CHN1: variants seen among roughly 807,000 people sequenced by gnomAD.
The protein encoded by CHN1 is N-chimaerin.
In CHN1, 37 loss-of-function variants were observed where a neutral mutation model predicts 59.5. That is an observed-to-expected ratio of 0.62 (90% CI 0.48 to 0.82). The LOEUF (loss-of-function observed/expected upper bound fraction) is 0.82, where lower values mean the gene tolerates loss of function less well. Ranked by LOEUF, CHN1 falls within the 40% of genes least tolerant of loss-of-function variation. CHN1 has a pLI of 0.00. For missense variants in CHN1, 469 were observed against 571.0 expected (o/e 0.82, Z 1.82); for synonymous variants, 206 against 200.4 (o/e 1.03, Z -0.24).
At chr2:174,882,693 C>T (rs897520595) in intron 5 of CHN1, among the ~76,000 whole-genome samples, 1 of 152,234 alleles carries the variant, frequency 6.6e-6, no homozygotes, top group South Asian at 2.1e-4. Context: ...AACCAACATA[C>T]AAAAACAGTT....
At chr2:174,989,862 C>A (rs979516813) in intron 1 of CHN1, among the ~76,000 whole-genome samples, 11 of 152,060 alleles carry the variant, frequency 7.2e-5, no homozygotes, top group Non-Finnish European at 1.5e-4. Context: ...TGGGACAGAT[C>A]TTTTACAAAT....
intron 7 of CHN1, among the ~76,000 whole-genome samples, chr2:174,830,229 T>C (rs532165795): frequency 6.8e-6 from 1 of 148,126 alleles, no homozygotes; most frequent in South Asian, 2.1e-4. Context: ...CAAGACTCTG[T>C]CTCAAAAAAA....
intron 12 of CHN1, among the ~76,000 whole-genome samples, chr2:174,801,209 CCTTA>C (rs1684710789): frequency 6.6e-6 from 1 of 152,170 alleles, no homozygotes. Flanking sequence ...TCCCTTTATC[CCTTA>C]CTTCTTTACT....
Position 174,809,072 on chromosome 2 carries a change from A to T in CHN1, c.965-30T>A, listed in dbSNP as rs371237307. On this transcript the variant is annotated intron_variant, in intron 10 of 12. Transcript: ENST00000409900. ...TAAGGATGTTGAAAGAAATAAAAGT[A>T]AATATCTGGATTCACAGCACTGTTT... is the stretch of plus-strand genomic sequence containing the variant. 1.6e-5 allele frequency: 25 copies of T among 1,579,064 alleles called. No individual in the cohort carries two copies. The African/African-American group carries it at 2.7e-4, about 17-fold the overall frequency.
Position 174,884,780 on chromosome 2 carries a change from T to C in CHN1, c.261-6652A>G, listed in dbSNP as rs1021307117. ...CATTTGAGGGATCCTATCACATGATTTTTCCCTCTTGAAAATTGTTAATGG... is the reference window on the plus strand; with the variant it reads ...CATTTGAGGGATCCTATCACATGATCTTTCCCTCTTGAAAATTGTTAATGG... On this transcript the variant is annotated intron_variant, in intron 5 of 12. Transcript: ENST00000409900. Among the ~76,000 whole-genome samples, 6 of 152,264 alleles carry C rather than the reference T, an allele frequency of 3.9e-5. No homozygotes were observed. The East Asian group carries it at 7.7e-4, about 20-fold the overall frequency.
chr2:174,824,212 A>G (rs1306895808), intron 8 of CHN1, among the ~76,000 whole-genome samples: 1 of 152,210 alleles, frequency 6.6e-6, no homozygotes, highest in Non-Finnish European at 1.5e-5. Context: ...TCAGTGGACT[A>G]ATGCCAGATC....
intron 1 of CHN1, among the ~76,000 whole-genome samples, chr2:174,973,316 A>C (rs953343636): frequency 5.3e-5 from 8 of 152,198 alleles, no homozygotes; most frequent in Non-Finnish European, 8.8e-5. Flanking sequence ...ACAGTTATTC[A>C]GTGTTTTAGA....
intron 3 of CHN1, among the ~76,000 whole-genome samples, chr2:174,920,569 G>A (rs1168388340): frequency 6.6e-6 from 1 of 152,148 alleles, no homozygotes; most frequent in Non-Finnish European, 1.5e-5. Context: ...TATCTTTTCA[G>A]TGATCTTCTC....
chr2:174,799,925 A>G lies in CHN1; in HGVS notation c.*191T>C. The G allele has an allele frequency of 1.5e-6, 1 of 681,350 alleles. No individual in the cohort carries two copies. Among genetic ancestry groups the G allele is most frequent in the East Asian group, 2.8e-5 (1 of 35,502 alleles). The allele number at this position is 681,350 out of a possible 1,614,324, so 42.2% of individuals were successfully genotyped here. ...ATAAACACCCAGGATTACTAGAACC[A>G]GAAAGCGTGTGTTCACTGTTTTACA... On this transcript the variant is annotated 3_prime_UTR_variant, in exon 13 of 13. Coordinates refer to ENST00000409900, the MANE Select transcript of CHN1 (RefSeq NM_001822.7).
chr2:174,850,302 A>T (rs1314271537), intron 6 of CHN1, among the ~76,000 whole-genome samples: 1 of 152,206 alleles, frequency 6.6e-6, no homozygotes, highest in Non-Finnish European at 1.5e-5. Context: ...GCTTACACAA[A>T]AAAAGGTTCA....
intron 3 of CHN1, among the ~76,000 whole-genome samples, chr2:174,934,908 T>C (rs1307628667): frequency 1.3e-5 from 2 of 152,344 alleles, no homozygotes; most frequent in African/African-American, 2.4e-5. Flanking sequence ...TGTAGGTTCT[T>C]TTCACTTATC....
At chr2:174,976,260 A>C (rs956705191) in intron 1 of CHN1, among the ~76,000 whole-genome samples, 1 of 151,740 alleles carries the variant, frequency 6.6e-6, no homozygotes. Flanking sequence ...AAATGACTTC[A>C]AATTTATATA....
At chr2:174,805,001 A>AT (rs1386890899) in intron 11 of CHN1, among the ~76,000 whole-genome samples, 1 of 152,200 alleles carries the variant, frequency 6.6e-6, no homozygotes, top group African/African-American at 2.4e-5. Flanking sequence ...ACCCATTACC[A>AT]TTTTTTATAG....
chr2:174,990,760 A>C (rs1427363824), intron 1 of CHN1, among the ~76,000 whole-genome samples: 1 of 152,244 alleles, frequency 6.6e-6, no homozygotes, highest in Non-Finnish European at 1.5e-5. Flanking sequence ...GTCAACTTTT[A>C]AACATTATGA....
At position 174,812,388 on chromosome 2, in the gene CHN1, G is replaced by C. The variant is rs1685106613; in HGVS notation, c.807C>G (p.Asp269Glu). Residue 269 changes from aspartate to glutamate, a missense_variant, in exon 9 of 13, where the codon GAC becomes GAG. Around this residue, in one of 5 missense-constraint regions of CHN1, gnomAD observed 225 missense variants for 289.9 expected, o/e 0.78. Coordinates refer to ENST00000409900, the MANE Select transcript of CHN1 (RefSeq NM_001822.7). ...LKHVKKVYSC[D>E]LTTLVKAHTT... ...TATGTGCTTTCACGAGCGTCGTAAG[G>C]TCACAGCTGTACACCTTTTTGACAT... 1 of 1,614,004 alleles carries C rather than the reference G, an allele frequency of 6.2e-7. No individual in the cohort carries two copies. The highest frequency in any genetic ancestry group is 8.5e-7 in the Non-Finnish European group (1 of 1,179,886).
At chr2:174,881,123 A>T (rs1687720492) in intron 5 of CHN1, among the ~76,000 whole-genome samples, 1 of 152,072 alleles carries the variant, frequency 6.6e-6, no homozygotes, top group African/African-American at 2.4e-5. Context: ...GCTCTTATGT[A>T]GAAAGATTCT....
chr2:174,988,330 C>T (rs1273360189), intron 1 of CHN1, among the ~76,000 whole-genome samples: 3 of 147,814 alleles, frequency 2.0e-5, no homozygotes, highest in African/African-American at 7.6e-5. Context: ...GCACTCCAGC[C>T]TGGGCAACAG....
chr2:174,799,434 G>A lies in CHN1; in HGVS notation c.*682C>T, dbSNP rs955071114. The A allele has an allele frequency of 5.7e-5, 26 of 456,612 alleles. No homozygotes were observed. Among genetic ancestry groups the A allele is most frequent in the East Asian group, 2.8e-4 (6 of 21,526 alleles). The allele number at this position is 456,612 out of a possible 1,614,324, so 28.3% of individuals were successfully genotyped here. A position where few individuals can be genotyped will look rare whatever the true frequency, so the allele number is the denominator to read the frequency against. ...AAGCCAATTTAATAAATTAATAAAC[G>A]CATGCCAGAAAAAATACCAAATTAC... On this transcript the variant is annotated 3_prime_UTR_variant, in exon 13 of 13. Transcript: ENST00000409900.
intron 8 of CHN1, among the ~76,000 whole-genome samples, chr2:174,823,811 T>C (rs1383011561): frequency 3.3e-5 from 5 of 152,256 alleles, no homozygotes; most frequent in Non-Finnish European, 1.5e-5. Flanking sequence ...TATTTCTGTA[T>C]GTGTAAATCT....
Sources: gnomAD v4.1 joint callset for allele counts (sites outside exome capture counted in the v4.1 genomes callset) on GRCh38, gnomAD v4.1.1 for gene constraint, gnomAD v4.1.1 regional missense constraint, MANE v1.5 for transcripts, NCBI Gene and HGNC (gene_info 2026-07-23, HGNC 2026-07-21) for gene names.